Variants in GALNTL6 observed in about 807,000 individuals in gnomAD.
The protein encoded by GALNTL6 is polypeptide N-acetylgalactosaminyltransferase like 6.
A neutral mutation model predicts 73.7 loss-of-function variants in GALNTL6; 46 were observed. That is an observed-to-expected ratio of 0.62 (90% CI 0.49 to 0.80). The LOEUF (loss-of-function observed/expected upper bound fraction) is 0.80, where lower values mean the gene tolerates loss of function less well. Among genes scored for constraint, GALNTL6 ranks in the 30% least tolerant of loss-of-function variants. The pLI, the probability that GALNTL6 is intolerant of heterozygous loss-of-function variation, is 0.00. For synonymous variants in GALNTL6, 259 were observed against 263.7 expected (o/e 0.98, Z 0.17); for missense variants, 604 against 755.0 (o/e 0.80, Z 2.34).
At chr4:171,910,809 TAATC>T (rs897112478) in intron 2 of GALNTL6, among the ~76,000 whole-genome samples, 30 of 152,294 alleles carry the variant, frequency 2.0e-4, no homozygotes, top group African/African-American at 5.3e-4. Flanking sequence ...ATTTTTTTCT[TAATC>T]AACAGGTTGG....
At chr4:172,596,409 C>G (rs1040826136) in intron 5 of GALNTL6, among the ~76,000 whole-genome samples, 1 of 149,530 alleles carries the variant, frequency 6.7e-6, no homozygotes, top group Non-Finnish European at 1.5e-5. Context: ...CATACCACCA[C>G]GCTCCTGCCT....
At chr4:172,958,126 T>C (rs1008972499) in intron 10 of GALNTL6, among the ~76,000 whole-genome samples, 91 of 152,058 alleles carry the variant, frequency 6.0e-4, no homozygotes, top group Non-Finnish European at 9.1e-4. Flanking sequence ...AGAAAGTGTA[T>C]GTGTCAGGTG....
chr4:171,967,113 T>G (rs1739408001), intron 2 of GALNTL6, among the ~76,000 whole-genome samples: 1 of 152,196 alleles, frequency 6.6e-6, no homozygotes. Flanking sequence ...CCCTACCCAC[T>G]TAAGTTTTCT....
intron 5 of GALNTL6, among the ~76,000 whole-genome samples, chr4:172,530,876 CA>C (rs1735146100): frequency 6.8e-6 from 1 of 147,782 alleles, no homozygotes; most frequent in South Asian, 2.2e-4. Context: ...AGACAACTTA[CA>C]GAATTATTCT....
At chr4:172,013,775 T>C (rs7681032) in intron 2 of GALNTL6, among the ~76,000 whole-genome samples, 3 of 151,636 alleles carry the variant, frequency 2.0e-5, no homozygotes, top group Non-Finnish European at 4.4e-5. Flanking sequence ...AGTCACCTTG[T>C]TGTGACATGA....
intron 2 of GALNTL6, among the ~76,000 whole-genome samples, chr4:171,981,761 C>A (rs886733207): frequency 1.7e-4 from 26 of 151,806 alleles, no homozygotes; most frequent in African/African-American, 6.0e-4. Flanking sequence ...TTTTCTGTTT[C>A]ATTTTTCTTT....
intron 2 of GALNTL6, among the ~76,000 whole-genome samples, chr4:171,864,415 A>G (rs187795600): frequency 1.2e-4 from 18 of 152,336 alleles, no homozygotes; most frequent in Admixed American, 2.6e-4. Flanking sequence ...ACTGAAAGAA[A>G]TTAGATAGCA....
intron 8 of GALNTL6, among the ~76,000 whole-genome samples, chr4:172,918,173 A>T (rs1747621861): frequency 6.6e-6 from 1 of 152,118 alleles, no homozygotes; most frequent in African/African-American, 2.4e-5. Flanking sequence ...CTCACTCATA[A>T]GTGGGAATTG....
intron 5 of GALNTL6, among the ~76,000 whole-genome samples, chr4:172,602,887 A>C (rs1738117316): frequency 6.6e-6 from 1 of 152,242 alleles, no homozygotes; most frequent in African/African-American, 2.4e-5. Flanking sequence ...GCCACTAGTC[A>C]GTAATAAAAA....
intron 5 of GALNTL6, among the ~76,000 whole-genome samples, chr4:172,524,826 AT>A (rs1734899912): frequency 6.6e-6 from 1 of 152,190 alleles, no homozygotes; most frequent in African/African-American, 2.4e-5. Flanking sequence ...TATGGTTAGT[AT>A]GGTTTTATTT....
chr4:171,912,310 C>T (rs1737498834), intron 2 of GALNTL6, among the ~76,000 whole-genome samples: 1 of 152,030 alleles, frequency 6.6e-6, no homozygotes, highest in Admixed American at 6.6e-5. Context: ...AGGAGTGTGA[C>T]ATTTTGCCAT....
At chr4:172,979,734 G>T (rs1252638669) in intron 10 of GALNTL6, among the ~76,000 whole-genome samples, 1 of 152,168 alleles carries the variant, frequency 6.6e-6, no homozygotes, top group Admixed American at 6.5e-5. Flanking sequence ...CCACTGGAAA[G>T]CTTGGCTGTT....
chr4:172,299,672 G>A (rs1002504372), intron 3 of GALNTL6, among the ~76,000 whole-genome samples: 1 of 152,192 alleles, frequency 6.6e-6, no homozygotes, highest in African/African-American at 2.4e-5. Flanking sequence ...ATGTAGTTGA[G>A]CAGTTTTGAG....
intron 3 of GALNTL6, among the ~76,000 whole-genome samples, chr4:172,266,649 A>G (rs116404632): frequency 1.8e-3 from 272 of 152,282 alleles, no homozygotes; most frequent in African/African-American, 5.9e-3. Flanking sequence ...ATACCAGTAA[A>G]AACATTATCA....
intron 7 of GALNTL6, among the ~76,000 whole-genome samples, chr4:172,853,076 G>A (rs757403636): frequency 5.3e-5 from 8 of 152,182 alleles, no homozygotes; most frequent in Non-Finnish European, 1.0e-4. Flanking sequence ...GTTTCTGCAG[G>A]TCAGGAGTCT....
At chr4:171,852,231 T>G (rs1735542478) in intron 2 of GALNTL6, among the ~76,000 whole-genome samples, 1 of 152,206 alleles carries the variant, frequency 6.6e-6, no homozygotes, top group African/African-American at 2.4e-5. Flanking sequence ...CCATTTTTAT[T>G]TGACTTATTT....
intron 5 of GALNTL6, among the ~76,000 whole-genome samples, chr4:172,360,478 AAG>A (rs1349881014): frequency 5.2e-5 from 5 of 95,464 alleles, no homozygotes; most frequent in Non-Finnish European, 1.0e-4. Context: ...AAAATGTTAA[AAG>A]AGATGCTGTA....
intron 5 of GALNTL6, among the ~76,000 whole-genome samples, chr4:172,422,915 G>A (rs1731101628): frequency 6.6e-6 from 1 of 150,944 alleles, no homozygotes; most frequent in Admixed American, 6.6e-5. Context: ...GTACAATAGA[G>A]GGAAGAGGTG....
intron 5 of GALNTL6, among the ~76,000 whole-genome samples, chr4:172,706,537 C>G (rs538541860): frequency 6.6e-6 from 1 of 152,092 alleles, no homozygotes; most frequent in East Asian, 1.9e-4. Flanking sequence ...TGTCTTTGCA[C>G]TTAAGGGAGA....
Sources: allele counts gnomAD v4.1 joint callset (sites outside exome capture counted in the v4.1 genomes callset), GRCh38; gene constraint gnomAD v4.1.1; transcripts MANE v1.5; gene names NCBI Gene and HGNC (gene_info 2026-07-23, HGNC 2026-07-21).